TMEM260: variants seen among roughly 807,000 people sequenced by gnomAD.
TMEM260 encodes transmembrane protein 260.
In TMEM260, 82 loss-of-function variants were observed where a neutral mutation model predicts 88.9. That is an observed-to-expected ratio of 0.92 (90% CI 0.77 to 1.11). TMEM260 has a LOEUF of 1.11. Among genes scored for constraint, TMEM260 ranks in the 50% least tolerant of loss-of-function variants. TMEM260 has a pLI of 0.00. For synonymous variants in TMEM260, 314 were observed against 309.3 expected, an observed-to-expected ratio of 1.02 and a Z score of -0.16; for missense variants, 902 against 853.4, an observed-to-expected ratio of 1.06 and a Z score of -0.71.
Position 56,593,164 on chromosome 14 carries a change from C to T in TMEM260, c.344+7252C>T, listed in dbSNP as rs1885969400. On this transcript the variant is annotated intron_variant, in intron 3 of 15. Coordinates refer to ENST00000261556, the MANE Select transcript of TMEM260 (RefSeq NM_017799.4). ...AAACTACTATGCAATCAGTACCTTT[C>T]TTAGGAATCTTATCTGGGTCTCATG... 6 of 152,318 alleles carry T rather than the reference C, an allele frequency of 3.9e-5. No homozygotes were observed. The South Asian group carries it at 1.2e-3, about 32-fold the overall frequency. 9.4% of individuals were successfully genotyped at this position (152,318 alleles called of 1,614,324 possible). A position where few individuals can be genotyped will look rare whatever the true frequency, so the allele number is the denominator to read the frequency against.
rs1443399150 is a variant in TMEM260 at position 56,586,033 on chromosome 14, A to C, written c.344+121A>C. ...TGGTTTCCCTAACACATGTGATTTCACTTTCTTAATTTATAATACTTTCAT... is the reference window on the plus strand; with the variant it reads ...TGGTTTCCCTAACACATGTGATTTCCCTTTCTTAATTTATAATACTTTCAT... On this transcript the variant is annotated intron_variant, in intron 3 of 15. Coordinates refer to ENST00000261556, the MANE Select transcript of TMEM260 (RefSeq NM_017799.4). 1.4e-5 allele frequency: 15 copies of C among 1,040,284 alleles called. No individual in the cohort carries two copies. In the South Asian group the frequency reaches 2.3e-4, roughly 16 times the overall value. The allele number at this position is 1,040,284 out of a possible 1,614,324, so 64.4% of individuals were successfully genotyped here.
chr14:56,659,204 T>G, the TMEM260 span, among the ~76,000 whole-genome samples: 32 of 152,116 alleles, frequency 2.1e-4, no homozygotes, highest in Non-Finnish European at 2.5e-4. Context: ...TGTTGCAACT[T>G]TTCTGTAATT....
At chr14:56,649,717 G>A (rs1405623281), downstream of TMEM260, among the ~76,000 whole-genome samples, 1 of 152,060 alleles carries the variant, frequency 6.6e-6, no homozygotes, top group Non-Finnish European at 1.5e-5. Flanking sequence ...GAGACTGTCT[G>A]CTTGTAAAAA....
In TMEM260 at chr14:56,635,050, TAATA is replaced by T. The variant is rs914499123; in HGVS notation, c.1778+101_1778+104del. 55 of 1,003,978 alleles carry T rather than the reference TAATA, an allele frequency of 5.5e-5. No homozygotes were observed. In the African/African-American group the frequency reaches 8.1e-4, roughly 15 times the overall value. 62.2% of individuals were successfully genotyped at this position (1,003,978 alleles called of 1,614,324 possible). On this transcript the variant is annotated intron_variant, in intron 14 of 15. Transcript: ENST00000261556. ...TTTTGAGAGTAGGGGTGAGTAGTGA[TAATA>T]AAAATAGCATTTATGAGCAATTATG...
intron 5 of TMEM260, among the ~76,000 whole-genome samples, chr14:56,605,967 T>A (rs539214390): frequency 3.3e-5 from 5 of 152,216 alleles, no homozygotes; most frequent in Non-Finnish European, 1.5e-5. Context: ...TCAAATTTTC[T>A]TAATTATCGT....
intron 3 of TMEM260, among the ~76,000 whole-genome samples, chr14:56,597,846 T>C (rs1426754766): frequency 6.6e-6 from 1 of 152,192 alleles, no homozygotes; most frequent in Non-Finnish European, 1.5e-5. Context: ...AAAGAAGCTT[T>C]GATGATCACT....
At chr14:56,595,746 C>T (rs1210747198) in intron 3 of TMEM260, among the ~76,000 whole-genome samples, 1 of 152,136 alleles carries the variant, frequency 6.6e-6, no homozygotes, top group Non-Finnish European at 1.5e-5. Flanking sequence ...CTCAGCCTTG[C>T]AAAGTGCTGG....
the TMEM260 span, among the ~76,000 whole-genome samples, chr14:56,658,199 A>G: frequency 2.0e-5 from 3 of 152,118 alleles, no homozygotes; most frequent in Non-Finnish European, 2.9e-5. Flanking sequence ...GAAGGGAATC[A>G]TTGCTTCTGT....
intron 9 of TMEM260, among the ~76,000 whole-genome samples, 200 bp from the exon 10 acceptor site, chr14:56,618,394 G>A: frequency 6.6e-6 from 1 of 151,904 alleles, no homozygotes; most frequent in East Asian, 1.9e-4. Flanking sequence ...AGATGCACCT[G>A]TCAAACTGGG....
Position 56,634,906 on chromosome 14 carries a change from C to A in TMEM260, c.1732C>A (p.Pro578Thr). 1 of 1,613,290 alleles carries A rather than the reference C, an allele frequency of 6.2e-7. No homozygotes were observed. ...GTTTTCTTGTAACTACAGGTTTGAT[C>A]CATCTTCTTGGGAATCTGTGGCCAA... is the stretch of plus-strand genomic sequence containing the variant. ...NWTEEYGRFD[P>T]SSWESVANEE... The change falls in exon 14 of 16, where the codon CCA becomes ACA. Residue 578 changes from proline (P) to threonine (T), a missense_variant. Physicochemically the swap from Pro to Thr is conservative, Grantham distance 38. Transcript: ENST00000261556.
chr14:56,648,119 A>T lies in TMEM260; in HGVS notation c.*622A>T, dbSNP rs944882452. 6.6e-6 allele frequency: 1 copy of T among 151,990 alleles called. No individual in the cohort carries two copies. The highest frequency in any genetic ancestry group is 1.5e-5 in the Non-Finnish European group (1 of 67,988). The allele number at this position is 151,990 out of a possible 1,614,324, so 9.4% of individuals were successfully genotyped here. On this transcript the variant is annotated 3_prime_UTR_variant, in exon 16 of 16. Coordinates refer to ENST00000261556, the MANE Select transcript of TMEM260 (RefSeq NM_017799.4). ...AGTTAATTTGATGTTTGCTTATTTCAGTTGCAGAAACTGGCGAGTAAAAAA... is the reference window on the plus strand; with the variant it reads ...AGTTAATTTGATGTTTGCTTATTTCTGTTGCAGAAACTGGCGAGTAAAAAA...
At chr14:56,613,480 G>A (rs1193208215) in intron 7 of TMEM260, 3 of 152,120 alleles carry the variant, frequency 2.0e-5, no homozygotes, top group East Asian at 3.9e-4. Context: ...CCAACATGCA[G>A]AGATAACCAC....
At chr14:56,653,736 C>CAAAAAA (rs10522889), downstream of TMEM260, among the ~76,000 whole-genome samples, 10 of 66,562 alleles carry the variant, frequency 1.5e-4, no homozygotes, top group South Asian at 5.7e-4. Context: ...CTCTTGTCTC[C>CAAAAAA]AAAACAAAAA....
chr14:56,611,377 A>G (rs887608134), intron 6 of TMEM260, among the ~76,000 whole-genome samples: 2 of 152,242 alleles, frequency 1.3e-5, no homozygotes, highest in African/African-American at 4.8e-5. Context: ...GTGAAGAGAA[A>G]TGATACATTG....
At chr14:56,629,274 T>G (rs1281605650) in intron 12 of TMEM260, among the ~76,000 whole-genome samples, 5 of 147,922 alleles carry the variant, frequency 3.4e-5, no homozygotes, top group Non-Finnish European at 6.1e-5. Context: ...TTTTGTTGTT[T>G]TTTTTTTTTT....
the TMEM260 span, among the ~76,000 whole-genome samples, chr14:56,662,019 C>T: frequency 1.3e-5 from 2 of 152,162 alleles, no homozygotes; most frequent in Non-Finnish European, 2.9e-5. Context: ...AAGTTAGGGC[C>T]CCCAGAGGTC....
intron 15 of TMEM260, among the ~76,000 whole-genome samples, chr14:56,644,496 A>T (rs1055496449): frequency 6.6e-6 from 1 of 152,186 alleles, no homozygotes; most frequent in African/African-American, 2.4e-5. Context: ...CTTATACAAA[A>T]ATTAATTCAA....
Position 56,625,399 on chromosome 14 carries a change from G to T in TMEM260, c.1416G>T (p.Trp472Cys). 1 of 1,613,598 alleles carries T rather than the reference G, an allele frequency of 6.2e-7. No individual in the cohort carries two copies. Among genetic ancestry groups the T allele is most frequent in the Non-Finnish European group, 8.5e-7 (1 of 1,179,906 alleles). The change falls in exon 12 of 16, where the codon TGG becomes TGT. Residue 472 changes from tryptophan (W) to cysteine (C), a missense_variant. By Grantham distance (215) the Trp-to-Cys change is radical. Transcript: ENST00000261556. ...TCTGGCAGATGATGACTTACGAGTG[G>T]TATTTACCCAAGATGGCAAAGCACT... The part of the protein sequence containing the change: ...LVDQEMMTYE[W>C]YLPKMAKHLP...
Position 56,601,895 on chromosome 14 carries a change from C to T in TMEM260, c.345-1920C>T, listed in dbSNP as rs79238317. On this transcript the variant is annotated intron_variant, in intron 3 of 15. Coordinates refer to ENST00000261556, the MANE Select transcript of TMEM260 (RefSeq NM_017799.4). ...ACTTACTTTCTGGCACAAGATGTTT[C>T]AGACTAATTTTGTGCTAGAGCTACC... 8.4e-3 allele frequency among the ~76,000 whole-genome samples: 1,282 copies of T among 152,204 alleles called. 34 individuals carry two copies. The East Asian group carries it at 0.084, about 10-fold the overall frequency.
Sources: allele counts gnomAD v4.1 joint callset (sites outside exome capture counted in the v4.1 genomes callset), GRCh38; gene constraint gnomAD v4.1.1; transcripts MANE v1.5; gene names NCBI Gene and HGNC (gene_info 2026-07-23, HGNC 2026-07-21).